NFIB: variants seen among roughly 807,000 people sequenced by gnomAD.
NFIB encodes the protein nuclear factor 1 B-type.
NFIB carries 11 observed loss-of-function variants against 61.5 expected under a neutral mutation model. The observed-to-expected ratio is 0.18, with a 90% CI of 0.11 to 0.30. NFIB has a LOEUF of 0.30. Among genes scored for constraint, NFIB ranks in the 10% least tolerant of loss-of-function variants. The pLI is 1.00. For missense variants in NFIB, 471 were observed against 608.9 expected, an observed-to-expected ratio of 0.77 and a Z score of 2.38; for synonymous variants, 260 against 216.5, an observed-to-expected ratio of 1.20 and a Z score of -1.76.
chr9:14,308,965 G>A (rs1185477881), intron 1 of NFIB, among the ~76,000 whole-genome samples: 7 of 152,082 alleles, frequency 4.6e-5, no homozygotes, highest in South Asian at 2.1e-4. Flanking sequence ...AGAGCTTAAC[G>A]TCCTGTACAT....
the NFIB span, among the ~76,000 whole-genome samples, chr9:14,507,469 T>G: frequency 1.3e-5 from 2 of 152,230 alleles, no homozygotes; most frequent in African/African-American, 4.8e-5. Flanking sequence ...TTTAGATATA[T>G]GTAACATTTT....
chr9:14,153,155 A>G (rs2043038925), intron 4 of NFIB, among the ~76,000 whole-genome samples: 1 of 152,124 alleles, frequency 6.6e-6, no homozygotes, highest in Admixed American at 6.6e-5. Context: ...ATATGTACAC[A>G]TATTATGTTT....
At chr9:14,454,568 T>C in the NFIB span, among the ~76,000 whole-genome samples, 1 of 152,258 alleles carries the variant, frequency 6.6e-6, no homozygotes, top group Admixed American at 6.5e-5. Context: ...CATTTTCTCT[T>C]AGTCCTTTGA....
chr9:14,344,134 G>GAGAGAGAA (rs1248077284), intron 1 of NFIB, among the ~76,000 whole-genome samples: 136 of 148,134 alleles, frequency 9.2e-4, no homozygotes, highest in African/African-American at 3.0e-3. Context: ...GAGAGAGAGA[G>GAGAGAGAA]AAACACTAAG....
At chr9:14,308,694 T>C (rs1202712531) in intron 1 of NFIB, among the ~76,000 whole-genome samples, 1 of 152,196 alleles carries the variant, frequency 6.6e-6, no homozygotes, top group Non-Finnish European at 1.5e-5. Context: ...TGGGTGCATA[T>C]ATGCATGTGC....
intron 2 of NFIB, among the ~76,000 whole-genome samples, chr9:14,235,159 C>A (rs2053617261): frequency 6.6e-6 from 1 of 151,986 alleles, no homozygotes; most frequent in South Asian, 2.1e-4. Context: ...GAATAAACAC[C>A]AAGCTCAGAA....
At chr9:14,297,133 C>T (rs1158967671) in intron 2 of NFIB, among the ~76,000 whole-genome samples, 2 of 152,162 alleles carry the variant, frequency 1.3e-5, no homozygotes, top group Non-Finnish European at 2.9e-5. Context: ...GATGTAGGAA[C>T]TGAGGTAGAC....
chr9:14,313,717 C>T lies in NFIB; in HGVS notation c.-206G>A. ...AAGTTCACTCGGCGTGCTAGATTTC[C>T]AGGGGTGAAATCCAATCTACACTTT... On this transcript the variant is annotated 5_prime_UTR_variant, in exon 1 of 11. Transcript: ENST00000380953. This position sits in a 1 kb window ranked among gnomAD's most constrained non-coding sequence, Gnocchi z 4.5. 1 of 1,407,104 alleles carries T rather than the reference C, an allele frequency of 7.1e-7. No homozygotes were observed. Among genetic ancestry groups the T allele is most frequent in the Non-Finnish European group, 9.2e-7 (1 of 1,082,098 alleles). 87.2% of individuals were successfully genotyped at this position (1,407,104 alleles called of 1,614,324 possible). A position where few individuals can be genotyped will look rare whatever the true frequency, so the allele number is the denominator to read the frequency against.
At chr9:14,351,526 C>T (rs1332631901) in intron 1 of NFIB, among the ~76,000 whole-genome samples, 1 of 152,216 alleles carries the variant, frequency 6.6e-6, no homozygotes, top group Admixed American at 6.5e-5. Context: ...CACCTCAAAC[C>T]TTCTTTTCTC....
intron 6 of NFIB, among the ~76,000 whole-genome samples, chr9:14,131,689 T>TCC (rs2040428165): frequency 6.6e-6 from 1 of 152,226 alleles, no homozygotes; most frequent in African/African-American, 2.4e-5. Flanking sequence ...AAACTGTTGT[T>TCC]CACTTCCAAA....
intron 6 of NFIB, among the ~76,000 whole-genome samples, chr9:14,127,982 T>C (rs1441268804): frequency 6.8e-6 from 1 of 147,292 alleles, no homozygotes; most frequent in Non-Finnish European, 1.5e-5. Flanking sequence ...ACCACAGCAA[T>C]TAATGCCACT....
intron 2 of NFIB, among the ~76,000 whole-genome samples, chr9:14,293,793 T>C (rs1288256668): frequency 6.6e-6 from 1 of 152,198 alleles, no homozygotes; most frequent in African/African-American, 2.4e-5. Context: ...CCGTTTCATA[T>C]TGCATATATC....
chr9:14,525,846 C>T, the NFIB span, among the ~76,000 whole-genome samples: 4 of 151,924 alleles, frequency 2.6e-5, no homozygotes, highest in African/African-American at 9.7e-5. Flanking sequence ...AATAACACAC[C>T]GTGTTATTTG....
chr9:14,322,553 C>T (rs900070871), intron 1 of NFIB, among the ~76,000 whole-genome samples: 2 of 152,096 alleles, frequency 1.3e-5, no homozygotes, highest in African/African-American at 4.8e-5. Context: ...GCCTCCCTGG[C>T]TTTCTCTTTC....
intron 1 of NFIB, among the ~76,000 whole-genome samples, chr9:14,374,428 G>A (rs1159650224): frequency 6.6e-6 from 1 of 152,180 alleles, no homozygotes; most frequent in East Asian, 1.9e-4. Flanking sequence ...CAGCAATGGT[G>A]ACAGTCATAG....
At chr9:14,412,182 T>C in the NFIB span, among the ~76,000 whole-genome samples, 1 of 152,320 alleles carries the variant, frequency 6.6e-6, no homozygotes, top group Admixed American at 6.5e-5. Context: ...GGGTAATTTG[T>C]TATGCAGCAA....
chr9:14,148,564 T>C (rs1264691324), intron 5 of NFIB, among the ~76,000 whole-genome samples: 1 of 152,190 alleles, frequency 6.6e-6, no homozygotes, highest in Non-Finnish European at 1.5e-5. Flanking sequence ...ATCATATACA[T>C]AAACCAATCC....
At chr9:14,185,860 T>C (rs527768093) in intron 2 of NFIB, among the ~76,000 whole-genome samples, 15 of 152,320 alleles carry the variant, frequency 9.8e-5, no homozygotes, top group African/African-American at 3.1e-4. Context: ...GGAAACAAGA[T>C]AGGGTGGATA....
intron 7 of NFIB, among the ~76,000 whole-genome samples, chr9:14,122,784 T>G (rs965067217): frequency 2.3e-4 from 35 of 152,210 alleles, no homozygotes; most frequent in African/African-American, 8.2e-4. Flanking sequence ...GGAGGAGATC[T>G]ATTTTCAAGT....
Sources: allele counts gnomAD v4.1 joint callset (sites outside exome capture counted in the v4.1 genomes callset), GRCh38; gene constraint gnomAD v4.1.1; non-coding constraint Gnocchi (gnomAD v3.1); transcripts MANE v1.5; gene names NCBI Gene and HGNC (gene_info 2026-07-23, HGNC 2026-07-21).